The following PRKCQ variants were observed in gnomAD, a reference collection of about 807,000 sequenced individuals.
PRKCQ encodes the protein protein kinase C theta type.
A neutral mutation model predicts 91.2 loss-of-function variants in PRKCQ; 41 were observed. The observed-to-expected ratio is 0.45, with a 90% CI of 0.35 to 0.58. The LOEUF (loss-of-function observed/expected upper bound fraction) is 0.58. Ranked by LOEUF, PRKCQ falls within the 20% of genes least tolerant of loss-of-function variation. The pLI is 0.00. For synonymous variants in PRKCQ, 307 were observed against 316.9 expected, an observed-to-expected ratio of 0.97 and a Z score of 0.33; for missense variants, 673 against 896.5, an observed-to-expected ratio of 0.75 and a Z score of 3.18.
the PRKCQ span, among the ~76,000 whole-genome samples, chr10:6,415,413 T>C: frequency 3.2e-4 from 2 of 6,256 alleles, no homozygotes; most frequent in South Asian, 8.3e-3. Context: ...TACATATATA[T>C]ATATATATAT....
At position 6,514,369 on chromosome 10, in the gene PRKCQ, T is replaced by G. The variant is rs1006066892; in HGVS notation, c.118+649A>C. Among the ~76,000 whole-genome samples the G allele has an allele frequency of 2.0e-5, 3 of 152,216 alleles. No homozygotes were observed. The East Asian group carries it at 5.8e-4, about 29-fold the overall frequency. On this transcript the variant is annotated intron_variant, in intron 2 of 17. Transcript: ENST00000263125. The stretch of plus-strand genomic sequence containing the variant: ...CCGGCCGACGTGACCACAGAGACAT[T>G]CCCTACACATAAGACTGTTGGAATG...
intron 2 of PRKCQ, among the ~76,000 whole-genome samples, chr10:6,513,214 C>G (rs553960024): frequency 5.9e-5 from 9 of 152,142 alleles, no homozygotes; most frequent in African/African-American, 1.7e-4. Flanking sequence ...GAAAATGCAG[C>G]CTTACACCCC....
At chr10:6,467,418 A>AGAGG (rs1835744586) in intron 12 of PRKCQ, among the ~76,000 whole-genome samples, 1 of 126,978 alleles carries the variant, frequency 7.9e-6, no homozygotes, top group Non-Finnish European at 1.7e-5. Flanking sequence ...AGAGAGAGAG[A>AGAGG]GAGAGAGAGA....
chr10:6,533,322 C>T (rs374226777), intron 1 of PRKCQ, among the ~76,000 whole-genome samples: 2 of 152,158 alleles, frequency 1.3e-5, no homozygotes, highest in Non-Finnish European at 1.5e-5. Flanking sequence ...CTCAGCCTCC[C>T]GAGTAGCTGG....
intron 1 of PRKCQ, among the ~76,000 whole-genome samples, chr10:6,562,868 T>C (rs534025066): frequency 1.4e-4 from 21 of 152,204 alleles, no homozygotes; most frequent in Non-Finnish European, 2.4e-4. Flanking sequence ...CAGTTACTAG[T>C]AGACAGAAAA....
rs577308996 is a variant in PRKCQ, at chr10:6,570,369, T to C, written c.-10+9842A>G. On this transcript the variant is annotated intron_variant, in intron 1 of 17. Transcript: ENST00000263125. The stretch of plus-strand genomic sequence containing the variant: ...GAGGAAGGTATAAAAGGATATATAT[T>C]CTTTTTTTCACAGAAGGAAGGGATT... 4.5e-4 allele frequency among the ~76,000 whole-genome samples: 67 copies of C among 148,970 alleles called. 1 individual carries two copies. Among genetic ancestry groups the C allele is most frequent in the African/African-American group, 1.6e-3 (65 of 41,214 alleles).
Position 6,439,238 on chromosome 10 carries a change from T to G in PRKCQ, c.1836+2655A>C, listed in dbSNP as rs188590916. On this transcript the variant is annotated intron_variant, in intron 16 of 17. Coordinates refer to ENST00000263125, the MANE Select transcript of PRKCQ (RefSeq NM_006257.5). ...TGTAATACTGTGCCTGTATTCTCGA[T>G]GGATCCTGGGCTACCACGGATAGGG... Among the ~76,000 whole-genome samples, 673 of 152,332 alleles carry G rather than the reference T, an allele frequency of 4.4e-3. 10 individuals carry two copies. The highest frequency in any genetic ancestry group is 4.2e-3 in the Non-Finnish European group (284 of 68,038).
chr10:6,530,783 G>A (rs1839364732), intron 1 of PRKCQ, among the ~76,000 whole-genome samples: 1 of 152,204 alleles, frequency 6.6e-6, no homozygotes, highest in Non-Finnish European at 1.5e-5. Flanking sequence ...TCTAAAATTA[G>A]GTAATACTTA....
intron 1 of PRKCQ, among the ~76,000 whole-genome samples, chr10:6,539,203 C>A (rs912240866): frequency 6.6e-6 from 1 of 152,164 alleles, no homozygotes; most frequent in African/African-American, 2.4e-5. Context: ...CACGACTCAT[C>A]AGTGAATCGG....
chr10:6,485,874 TA>T lies in PRKCQ; in HGVS notation c.900+160del, dbSNP rs536863711. Among the ~76,000 whole-genome samples the T allele has an allele frequency of 6.6e-5, 10 of 152,306 alleles. No homozygotes were observed. In the South Asian group the frequency reaches 1.7e-3, roughly 25 times the overall value. ...ATGCATTAAATAAATATCTCAAAGA[TA>T]GGGGGTGTGGGCATGGATATGAAAG... is the stretch of plus-strand genomic sequence containing the variant. On this transcript the variant is annotated intron_variant, in intron 9 of 17. Coordinates refer to ENST00000263125, the MANE Select transcript of PRKCQ (RefSeq NM_006257.5).
chr10:6,496,729 C>T (rs184321540), intron 7 of PRKCQ, among the ~76,000 whole-genome samples: 56 of 151,402 alleles, frequency 3.7e-4, no homozygotes, highest in African/African-American at 1.1e-3. Context: ...GACTGGAGTG[C>T]GGTGGCATGG....
At chr10:6,401,258 C>CCTATG in the PRKCQ span, among the ~76,000 whole-genome samples, 5 of 152,198 alleles carry the variant, frequency 3.3e-5, no homozygotes, top group Non-Finnish European at 7.3e-5. Flanking sequence ...ACCATCTCTA[C>CCTATG]CTATGTAAGC....
At chr10:6,429,106 C>G (rs1564286277) in intron 17 of PRKCQ, among the ~76,000 whole-genome samples, 1 of 152,192 alleles carries the variant, frequency 6.6e-6, no homozygotes. Flanking sequence ...AATGAAGAAC[C>G]AGGCCCCTCC....
chr10:6,395,023 T>A, the PRKCQ span, among the ~76,000 whole-genome samples: 2 of 150,744 alleles, frequency 1.3e-5, no homozygotes, highest in Non-Finnish European at 3.0e-5. Flanking sequence ...AACAAATAAT[T>A]TACACAGAGC....
At chr10:6,529,846 G>A (rs977413602) in intron 1 of PRKCQ, among the ~76,000 whole-genome samples, 1 of 152,170 alleles carries the variant, frequency 6.6e-6, no homozygotes, top group Non-Finnish European at 1.5e-5. Context: ...ATTAATCCAT[G>A]GAAAATGCGT....
At chr10:6,450,771 C>G (rs1834624287) in intron 15 of PRKCQ, among the ~76,000 whole-genome samples, 2 of 152,156 alleles carry the variant, frequency 1.3e-5, no homozygotes, top group South Asian at 4.1e-4. Flanking sequence ...GATTAAGAAA[C>G]TCACTCAAAA....
chr10:6,396,223 T>G, the PRKCQ span, among the ~76,000 whole-genome samples: 1 of 152,176 alleles, frequency 6.6e-6, no homozygotes, highest in Admixed American at 6.5e-5. Context: ...TGGCTAAAAC[T>G]AAGGCTTTTT....
intron 1 of PRKCQ, among the ~76,000 whole-genome samples, chr10:6,573,755 T>A (rs1056555200): frequency 6.6e-6 from 1 of 152,168 alleles, no homozygotes; most frequent in Non-Finnish European, 1.5e-5. Flanking sequence ...CCTTTAGGTG[T>A]TACAAGGTTA....
chr10:6,566,616 C>T (rs866101628), intron 1 of PRKCQ, among the ~76,000 whole-genome samples: 2 of 152,180 alleles, frequency 1.3e-5, no homozygotes, highest in African/African-American at 4.8e-5. Flanking sequence ...TCAGTGGCCT[C>T]TCTCCAGTCT....
Sources: gnomAD v4.1 joint callset for allele counts (sites outside exome capture counted in the v4.1 genomes callset) on GRCh38, gnomAD v4.1.1 for gene constraint, MANE v1.5 for transcripts, NCBI Gene and HGNC (gene_info 2026-07-23, HGNC 2026-07-21) for gene names.